RGS7: variants seen among roughly 807,000 people sequenced by gnomAD.
RGS7 encodes regulator of G protein signaling 7.
A neutral mutation model predicts 81.1 loss-of-function variants in RGS7; 27 were observed. That is an observed-to-expected ratio of 0.33 (90% CI 0.25 to 0.46). RGS7 has a LOEUF of 0.46. Among genes scored for constraint, RGS7 ranks in the 20% least tolerant of loss-of-function variants. The pLI is 1.00. For synonymous variants in RGS7, 208 were observed against 207.7 expected (o/e 1.00, Z -0.01); for missense variants, 396 against 607.4 (o/e 0.65, Z 3.66).
At chr1:241,302,532 G>C (rs2079834025) in intron 2 of RGS7, among the ~76,000 whole-genome samples, 1 of 152,160 alleles carries the variant, frequency 6.6e-6, no homozygotes, top group African/African-American at 2.4e-5. Context: ...CTGGGCAACA[G>C]AGCGAGACTC....
intron 3 of RGS7, among the ~76,000 whole-genome samples, chr1:240,987,212 T>G (rs1398081041): frequency 1.3e-5 from 2 of 152,196 alleles, no homozygotes; most frequent in African/African-American, 4.8e-5. Context: ...GAGGACTCTG[T>G]AAGCAAGCAA....
At chr1:241,333,105 G>A (rs1459073976) in intron 2 of RGS7, among the ~76,000 whole-genome samples, 2 of 152,228 alleles carry the variant, frequency 1.3e-5, no homozygotes, top group East Asian at 3.8e-4. Flanking sequence ...AGCAGCTGTT[G>A]TAGTTTAGAA....
At chr1:240,900,511 C>T (rs955591192) in intron 6 of RGS7, among the ~76,000 whole-genome samples, 14 of 152,274 alleles carry the variant, frequency 9.2e-5, no homozygotes, top group African/African-American at 1.9e-4. Flanking sequence ...TTCCCTCTAA[C>T]GGTCAGGACC....
intron 3 of RGS7, among the ~76,000 whole-genome samples, chr1:241,006,154 A>T (rs2058680640): frequency 6.6e-6 from 1 of 152,224 alleles, no homozygotes; most frequent in Admixed American, 6.5e-5. Context: ...AACTGTATCA[A>T]TAATTCTCAA....
At chr1:240,939,511 C>T (rs530862732) in intron 4 of RGS7, among the ~76,000 whole-genome samples, 1 of 152,208 alleles carries the variant, frequency 6.6e-6, no homozygotes, top group South Asian at 2.1e-4. Context: ...TGGCCCATAA[C>T]AAATGAGCAG....
At position 241,340,477 on chromosome 1, in the gene RGS7, T is replaced by G. The variant is rs868842042; in HGVS notation, c.78+15222A>C. ...GCATCTGGGATATTCCTTAAAGAATTTATAAGATTCTTCAGGAGATATGGG... is the reference window on the plus strand; with the variant it reads ...GCATCTGGGATATTCCTTAAAGAATGTATAAGATTCTTCAGGAGATATGGG... On this transcript the variant is annotated intron_variant, in intron 2 of 18. Coordinates refer to ENST00000440928, the MANE Select transcript of RGS7 (RefSeq NM_001364886.1). Among the ~76,000 whole-genome samples, 21 of 152,196 alleles carry G rather than the reference T, an allele frequency of 1.4e-4. 1 individual carries two copies. Among genetic ancestry groups the G allele is most frequent in the Middle Eastern group, 3.4e-3 (1 of 294 alleles).
At chr1:240,838,337 C>T (rs995769480) in intron 9 of RGS7, among the ~76,000 whole-genome samples, 3 of 152,138 alleles carry the variant, frequency 2.0e-5, no homozygotes, top group African/African-American at 7.2e-5. Flanking sequence ...TTCCAAAGAT[C>T]TTAGCTCCTA....
intron 6 of RGS7, among the ~76,000 whole-genome samples, chr1:240,892,766 TTC>T (rs1281064213): frequency 6.6e-6 from 1 of 152,182 alleles, no homozygotes; most frequent in Non-Finnish European, 1.5e-5. Context: ...ATGAGCCGTG[TTC>T]TGTTTTCTGT....
At chr1:240,806,113 G>A in intron 15 of RGS7, 27 bp downstream of exon 15, 1 of 1,602,138 alleles carries the variant, frequency 6.2e-7, no homozygotes, top group Non-Finnish European at 8.5e-7. Context: ...AAGCACGTTT[G>A]TGGTGTGAGG....
At chr1:241,183,691 G>A (rs1289537930) in intron 2 of RGS7, among the ~76,000 whole-genome samples, 2 of 152,178 alleles carry the variant, frequency 1.3e-5, no homozygotes, top group Non-Finnish European at 2.9e-5. Context: ...TCCAGTCTAG[G>A]CCTCCCACAT....
At chr1:240,862,554 CT>C (rs1662407969) in intron 9 of RGS7, among the ~76,000 whole-genome samples, 1 of 152,040 alleles carries the variant, frequency 6.6e-6, no homozygotes, top group Non-Finnish European at 1.5e-5. Flanking sequence ...CAGGTGTTAC[CT>C]GGTTTTTTTT....
At chr1:241,257,654 G>T (rs1265665027) in intron 2 of RGS7, among the ~76,000 whole-genome samples, 19 of 152,104 alleles carry the variant, frequency 1.2e-4, no homozygotes, top group Admixed American at 1.2e-3. Context: ...TAATTCAGAA[G>T]GCCAATGGTA....
intron 2 of RGS7, among the ~76,000 whole-genome samples, chr1:241,313,034 A>G (rs542887908): frequency 1.6e-4 from 25 of 152,340 alleles, no homozygotes; most frequent in Non-Finnish European, 4.4e-5. Context: ...ATCCAGAACA[A>G]GGCCCTAACT....
intron 2 of RGS7, among the ~76,000 whole-genome samples, chr1:241,278,280 T>C (rs922398351): frequency 5.3e-5 from 8 of 152,252 alleles, no homozygotes; most frequent in African/African-American, 1.7e-4. Flanking sequence ...ATTATTGCTT[T>C]CTTTAAAAAA....
chr1:241,173,461 T>G (rs2070878800), intron 2 of RGS7, among the ~76,000 whole-genome samples: 1 of 152,210 alleles, frequency 6.6e-6, no homozygotes, highest in African/African-American at 2.4e-5. Context: ...ACTGGTTGTT[T>G]GGATTTAGAG....
chr1:240,788,552 C>A (rs1422611313), intron 18 of RGS7, among the ~76,000 whole-genome samples: 1 of 152,174 alleles, frequency 6.6e-6, no homozygotes. Context: ...AAATGACTTA[C>A]GTAGACTTTC....
rs28412691 is a variant in RGS7, at chr1:241,298,963, G to A, written c.78+56736C>T. On this transcript the variant is annotated intron_variant, in intron 2 of 18. Coordinates refer to ENST00000440928, the MANE Select transcript of RGS7 (RefSeq NM_001364886.1). ...TGTAACAAGGTCAATTGAGCTGCGC[G>A]TGCTATGTCTGGAAACACATGTGCC... 2.8e-3 allele frequency among the ~76,000 whole-genome samples: 431 copies of A among 152,270 alleles called. 2 individuals carry two copies. The highest frequency in any genetic ancestry group is 9.4e-3 in the African/African-American group (392 of 41,548).
chr1:240,889,488 G>T (rs72756819), intron 6 of RGS7, among the ~76,000 whole-genome samples: 2 of 152,074 alleles, frequency 1.3e-5, no homozygotes, highest in Admixed American at 1.3e-4. Flanking sequence ...GCCCTGGCTA[G>T]GGGCTCAGGT....
intron 2 of RGS7, among the ~76,000 whole-genome samples, chr1:241,292,969 T>G (rs556413339): frequency 1.3e-5 from 2 of 152,302 alleles, no homozygotes; most frequent in African/African-American, 4.8e-5. Context: ...ATTAAACGCA[T>G]CAGAAAATTT....
Sources: gnomAD v4.1 joint callset for allele counts (sites outside exome capture counted in the v4.1 genomes callset) on GRCh38, gnomAD v4.1.1 for gene constraint, MANE v1.5 for transcripts, NCBI Gene and HGNC (gene_info 2026-07-23, HGNC 2026-07-21) for gene names.